The following HTR2C variants were observed in gnomAD, a reference collection of about 807,000 sequenced individuals.
HTR2C encodes the protein 5-hydroxytryptamine receptor 2C.
A neutral mutation model predicts 21.0 loss-of-function variants in HTR2C; 5 were observed. The ratio of observed to expected loss-of-function variants is 0.24; its 90% CI spans 0.12 to 0.50. The LOEUF is 0.50. Among genes scored for constraint, HTR2C ranks in the 20% least tolerant of loss-of-function variants. The probability of loss-of-function intolerance (pLI) is 0.98; values close to 1 mark genes in which losing one functional copy is unlikely to be tolerated. For synonymous variants in HTR2C, 150 were observed against 145.3 expected (o/e 1.03, Z -0.23); for missense variants, 271 against 371.2 (o/e 0.73, Z 2.22).
chrX:114,761,455 G>A (rs928042821), intron 4 of HTR2C, among the ~76,000 whole-genome samples: 1 of 111,213 alleles, frequency 9.0e-6, no homozygotes, highest in African/African-American at 3.3e-5. Flanking sequence ...TTGTTGACTA[G>A]TAACTTTGTA....
intron 1 of HTR2C, among the ~76,000 whole-genome samples, chrX:114,600,079 A>G (rs1000792928): frequency 2.7e-5 from 3 of 111,970 alleles, no homozygotes; most frequent in Non-Finnish European, 3.8e-5. Context: ...CCCTAACCAT[A>G]TCCTACTCAG....
rs868969515 is a variant in HTR2C at position 114,806,432 on chromosome X, T to C, written c.350-41571T>C. Among the ~76,000 whole-genome samples the C allele has an allele frequency of 6.4e-3, 135 of 21,041 alleles. 12 individuals carry two copies. Among genetic ancestry groups the C allele is most frequent in the African/African-American group, 0.019 (124 of 6,555 alleles). 18.3% of individuals were successfully genotyped at this position (21,041 alleles called of 115,157 possible). A position where few individuals can be genotyped will look rare whatever the true frequency, so the allele number is the denominator to read the frequency against. ...ACCATATATATATACTGTATATATA[T>C]ACACCATATATATATACTGTATATA... On this transcript the variant is annotated intron_variant, in intron 4 of 5. Coordinates refer to ENST00000276198, the MANE Select transcript of HTR2C (RefSeq NM_000868.4).
At chrX:114,675,282 C>T (rs782643111) in intron 2 of HTR2C, among the ~76,000 whole-genome samples, 1 of 111,536 alleles carries the variant, frequency 9.0e-6, no homozygotes, top group Non-Finnish European at 1.9e-5. Flanking sequence ...GACAATAAAA[C>T]CCAACACAAT....
intron 3 of HTR2C, among the ~76,000 whole-genome samples, chrX:114,730,527 C>A (rs2069525274): frequency 9.0e-6 from 1 of 111,523 alleles, no homozygotes; most frequent in African/African-American, 3.3e-5. Flanking sequence ...CGTTAAGAAA[C>A]AATTGAACCA....
chrX:114,605,204 A>T (rs1213822254), intron 1 of HTR2C, among the ~76,000 whole-genome samples: 3 of 112,473 alleles, frequency 2.7e-5, no homozygotes, highest in African/African-American at 9.8e-5. Context: ...CACCTTTTTA[A>T]GAGTAAATTG....
At chrX:114,858,832 A>G (rs1337956938) in intron 5 of HTR2C, among the ~76,000 whole-genome samples, 1 of 110,745 alleles carries the variant, frequency 9.0e-6, no homozygotes, top group Non-Finnish European at 1.9e-5. Flanking sequence ...GTCTTTCATC[A>G]AATTAAATTC....
In HTR2C at chrX:114,703,500, C is replaced by A. The variant is rs1266705896; in HGVS notation, c.-79-23358C>A. 6.3e-5 allele frequency among the ~76,000 whole-genome samples: 7 copies of A among 111,200 alleles called. No individual in the cohort carries two copies. In the East Asian group the frequency reaches 2.0e-3, roughly 31 times the overall value. On this transcript the variant is annotated intron_variant, in intron 2 of 5. Transcript: ENST00000276198. ...AAATGAAGGCAGACATAAAGATGTT[C>A]TTTGAAACCAATGAGAGCAAAGACA...
At chrX:114,673,402 G>A (rs1187004602) in intron 2 of HTR2C, among the ~76,000 whole-genome samples, 2 of 111,209 alleles carry the variant, frequency 1.8e-5, no homozygotes, top group African/African-American at 6.5e-5. Flanking sequence ...GAAATCTAAG[G>A]TCATTATGAT....
intron 4 of HTR2C, among the ~76,000 whole-genome samples, chrX:114,748,975 A>G (rs782593489): frequency 1.2e-4 from 13 of 112,092 alleles, no homozygotes; most frequent in Non-Finnish European, 1.9e-4. Flanking sequence ...TTCAGCAGTA[A>G]CATATTCAGT....
chrX:114,589,582 C>T (rs1263075553), intron 1 of HTR2C: 1 of 138,946 alleles, frequency 7.2e-6, no homozygotes, highest in Non-Finnish European at 1.4e-5. Flanking sequence ...CAGTAAAAAT[C>T]GTTTATCTCT....
chrX:114,620,762 T>C lies in HTR2C; in HGVS notation c.-80+6881T>C, dbSNP rs184336267. Among the ~76,000 whole-genome samples, 16 of 112,417 alleles carry C rather than the reference T, an allele frequency of 1.4e-4. 1 individual carries two copies. In the Admixed American group the frequency reaches 1.5e-3, roughly 11 times the overall value. The stretch of plus-strand genomic sequence containing the variant: ...CCATATATCTACCATAATTCATACA[T>C]TTTATTATCCTGGTCATGTTTCCTG... On this transcript the variant is annotated intron_variant, in intron 2 of 5. Transcript: ENST00000276198.
intron 4 of HTR2C, among the ~76,000 whole-genome samples, chrX:114,741,613 T>A (rs1602737872): frequency 1.4e-5 from 1 of 70,290 alleles, no homozygotes; most frequent in African/African-American, 5.3e-5. Context: ...ATGGAAACAT[T>A]AAAAAAAAAA....
intron 4 of HTR2C, among the ~76,000 whole-genome samples, chrX:114,805,971 A>ATATATACACCATATATATACCATATC (rs2070420485): frequency 1.0e-4 from 3 of 29,529 alleles, no homozygotes; most frequent in African/African-American, 2.1e-4. Context: ...TATACCATAT[A>ATATATACACCATATATATACCATATC]TATACACCAT....
rs374812243 is a variant in HTR2C at position 114,906,755 on chromosome X, C to T, written c.717C>T (p.Tyr239=). The T allele has an allele frequency of 8.3e-7, 1 of 1,211,070 alleles. No individual in the cohort carries two copies. The highest frequency in any genetic ancestry group is 1.1e-6 in the Non-Finnish European group (1 of 895,301). Residue 239 remains tyrosine, a synonymous_variant, in exon 6 of 6, where the codon TAC becomes TAT. Transcript: ENST00000276198. ...IMVITYCLTI[Y]VLRRQALMLL... The stretch of plus-strand genomic sequence containing the variant: ...TGATTACGTATTGCCTGACCATCTA[C>T]GTTCTGCGCCGACAAGCTTTGATGT...
At chrX:114,714,628 CAAGT>C (rs1932950049) in intron 2 of HTR2C, among the ~76,000 whole-genome samples, 1 of 112,142 alleles carries the variant, frequency 8.9e-6, no homozygotes, top group African/African-American at 3.2e-5. Context: ...TTAGCAATAA[CAAGT>C]AAGATTTAAT....
In HTR2C at chrX:114,614,354, G is replaced by T. The variant is rs1367716478; in HGVS notation, c.-80+473G>T. On this transcript the variant is annotated intron_variant, in intron 2 of 5. Transcript: ENST00000276198. ...TGGCTCACTGCAACCTCCGCCTCCTGGGGTCAAGTGATTCTCCTGCCTCAG... is the reference window on the plus strand; with the variant it reads ...TGGCTCACTGCAACCTCCGCCTCCTTGGGTCAAGTGATTCTCCTGCCTCAG... 1.2e-4 allele frequency among the ~76,000 whole-genome samples: 13 copies of T among 109,964 alleles called. No individual in the cohort carries two copies. In the Admixed American group the frequency reaches 1.3e-3, roughly 11 times the overall value.
intron 4 of HTR2C, among the ~76,000 whole-genome samples, chrX:114,837,654 C>T (rs1325652975): frequency 9.2e-6 from 1 of 108,868 alleles, no homozygotes; most frequent in East Asian, 2.9e-4. Context: ...TCAGTAAATC[C>T]AGCATAGTTT....
intron 4 of HTR2C, among the ~76,000 whole-genome samples, chrX:114,839,364 G>A (rs1228291822): frequency 1.8e-5 from 2 of 112,113 alleles, no homozygotes; most frequent in Non-Finnish European, 3.8e-5. Flanking sequence ...TCTGCCAGAA[G>A]AGGTGGCTAA....
chrX:114,831,487 A>G (rs2147470064), intron 4 of HTR2C, among the ~76,000 whole-genome samples: 1 of 92,760 alleles, frequency 1.1e-5, no homozygotes, highest in East Asian at 3.7e-4. Flanking sequence ...TTGGCTGCAT[A>G]AATGTCTTCT....
Sources: gnomAD v4.1 joint callset for allele counts (sites outside exome capture counted in the v4.1 genomes callset) on GRCh38, gnomAD v4.1.1 for gene constraint, MANE v1.5 for transcripts, NCBI Gene and HGNC (gene_info 2026-07-23, HGNC 2026-07-21) for gene names.